Variants in MCU observed in about 807,000 individuals in gnomAD.
MCU encodes mitochondrial calcium uniporter, also known as calcium uniporter protein, mitochondrial.
In MCU, 12 loss-of-function variants were observed where a neutral mutation model predicts 45.2. The observed-to-expected ratio is 0.27, with a 90% confidence interval of 0.17 to 0.43. MCU has a LOEUF of 0.43. Among genes scored for constraint, MCU ranks in the 20% least tolerant of loss-of-function variants. The pLI is 1.00. For synonymous variants in MCU, 160 were observed against 165.1 expected, an observed-to-expected ratio of 0.97 and a Z score of 0.24; for missense variants, 324 against 436.7, an observed-to-expected ratio of 0.74 and a Z score of 2.30.
At chr10:72,712,103 A>T (rs1217714259) in intron 1 of MCU, among the ~76,000 whole-genome samples, 1 of 152,018 alleles carries the variant, frequency 6.6e-6, no homozygotes, top group Non-Finnish European at 1.5e-5. Flanking sequence ...ATTTTTAACT[A>T]CTTTGGCGTT....
intron 1 of MCU, among the ~76,000 whole-genome samples, chr10:72,708,779 G>C (rs58674529): frequency 1.3e-5 from 2 of 152,028 alleles, no homozygotes; most frequent in Non-Finnish European, 2.9e-5. Context: ...AAACAGTTTC[G>C]ATTGTGCTGA....
chr10:72,716,380 A>G (rs1842955243), intron 1 of MCU, among the ~76,000 whole-genome samples: 1 of 152,232 alleles, frequency 6.6e-6, no homozygotes, highest in East Asian at 1.9e-4. Flanking sequence ...AATATTTGCA[A>G]TATGCATAGT....
At chr10:72,715,973 T>C in intron 1 of MCU, 2 of 776,728 alleles carry the variant, frequency 2.6e-6, no homozygotes, top group African/African-American at 1.9e-5. Context: ...TGTGAACTCA[T>C]GTGGTTTTAT....
rs996813609 is a variant in MCU at position 72,760,717 on chromosome 10, T to C, written c.150+68416T>C. The C allele has an allele frequency of 7.7e-5, 10 of 129,688 alleles. 1 individual carries two copies. The highest frequency in any genetic ancestry group is 1.0e-4 in the Non-Finnish European group (6 of 59,624). 8.0% of individuals were successfully genotyped at this position (129,688 alleles called of 1,614,324 possible). On this transcript the variant is annotated intron_variant, in intron 1 of 7. Transcript: ENST00000373053. ...GTTACTTAAATTTTTTTTTTCTTTC[T>C]TTTTTTTTTTTTTTTTGCAGAGACA...
intron 1 of MCU, among the ~76,000 whole-genome samples, chr10:72,775,028 C>G (rs1843869366): frequency 6.6e-6 from 1 of 152,058 alleles, no homozygotes; most frequent in African/African-American, 2.4e-5. Flanking sequence ...CTGAGTTAAA[C>G]TACACACTAG....
chr10:72,877,953 A>G (rs1441151815), intron 6 of MCU, among the ~76,000 whole-genome samples: 1 of 152,030 alleles, frequency 6.6e-6, no homozygotes, highest in Admixed American at 6.6e-5. Flanking sequence ...CTCATCTTTC[A>G]TTCATCTCAA....
intron 1 of MCU, among the ~76,000 whole-genome samples, chr10:72,785,480 T>C (rs1844058441): frequency 6.6e-6 from 1 of 152,230 alleles, no homozygotes; most frequent in African/African-American, 2.4e-5. Context: ...TCACAGTTAG[T>C]GGCAGATTAA....
At chr10:72,699,059 C>A (rs544722559) in intron 1 of MCU, among the ~76,000 whole-genome samples, 57 of 152,282 alleles carry the variant, frequency 3.7e-4, no homozygotes, top group Middle Eastern at 3.4e-3. Context: ...CTGCCTTGGC[C>A]TCCCAAAGTA....
chr10:72,743,030 G>C (rs1843357721), intron 1 of MCU, among the ~76,000 whole-genome samples: 1 of 148,516 alleles, frequency 6.7e-6, no homozygotes, highest in Non-Finnish European at 1.5e-5. Context: ...GAGAGAGGGT[G>C]AGGGGGAGAG....
chr10:72,880,060 G>A (rs1845677339), intron 6 of MCU, among the ~76,000 whole-genome samples: 1 of 152,038 alleles, frequency 6.6e-6, no homozygotes, highest in Non-Finnish European at 1.5e-5. Context: ...AAATAAATAA[G>A]TAAAATTAAA....
At chr10:72,802,247 T>C (rs1402367184) in intron 1 of MCU, among the ~76,000 whole-genome samples, 1 of 152,192 alleles carries the variant, frequency 6.6e-6, no homozygotes. Flanking sequence ...CGATCATCTA[T>C]CATTGCTTCA....
intron 1 of MCU, chr10:72,693,207 A>T: frequency 3.4e-6 from 3 of 874,278 alleles, no homozygotes; most frequent in South Asian, 1.5e-5. Flanking sequence ...TGTGAGAGAG[A>T]GAGAGACAGA....
At chr10:72,756,331 T>G (rs1041620125) in intron 1 of MCU, 1 of 152,204 alleles carries the variant, frequency 6.6e-6, no homozygotes, top group Non-Finnish European at 1.5e-5. Flanking sequence ...TCTTTCTTTT[T>G]TGGAAACAAT....
intron 1 of MCU, among the ~76,000 whole-genome samples, chr10:72,781,748 C>G (rs1388916838): frequency 2.0e-5 from 3 of 151,562 alleles, no homozygotes; most frequent in Non-Finnish European, 4.4e-5. Context: ...TAGGAACCTA[C>G]TTTTATGTTA....
At chr10:72,696,185 A>ATTTTTT (rs1554818423) in intron 1 of MCU, among the ~76,000 whole-genome samples, 1 of 109,988 alleles carries the variant, frequency 9.1e-6, no homozygotes. Flanking sequence ...AAAAAAAAAA[A>ATTTTTT]TTTTTTTTTT....
In MCU at chr10:72,777,319, G is replaced by A. The variant is rs950358432; in HGVS notation, c.151-57040G>A. Among the ~76,000 whole-genome samples the A allele has an allele frequency of 1.1e-4, 17 of 152,256 alleles. No individual in the cohort carries two copies. In the East Asian group the frequency reaches 1.4e-3, roughly 12 times the overall value. On this transcript the variant is annotated intron_variant, in intron 1 of 7. Coordinates refer to ENST00000373053, the MANE Select transcript of MCU (RefSeq NM_138357.3). ...AATTTACTCTAAAGCTACAGTAAGCGAAATAGCGTGATACTGGCTTAAAAG... is the reference window on the plus strand; with the variant it reads ...AATTTACTCTAAAGCTACAGTAAGCAAAATAGCGTGATACTGGCTTAAAAG...
chr10:72,862,918 GAA>G (rs1225961949), intron 4 of MCU, among the ~76,000 whole-genome samples: 1 of 133,320 alleles, frequency 7.5e-6, no homozygotes. Flanking sequence ...TAAAAAAAAA[GAA>G]AAAAAAAAAA....
intron 1 of MCU, among the ~76,000 whole-genome samples, chr10:72,790,645 T>C (rs1844144642): frequency 6.6e-6 from 1 of 152,230 alleles, no homozygotes; most frequent in South Asian, 2.1e-4. Context: ...ATTGCTTGAT[T>C]AAATAACTGG....
At chr10:72,849,862 A>C (rs1019250227) in intron 2 of MCU, among the ~76,000 whole-genome samples, 28 of 152,074 alleles carry the variant, frequency 1.8e-4, no homozygotes, top group Admixed American at 2.0e-4. Flanking sequence ...TCAAATGATG[A>C]GATCCAAATT....
Sources: gnomAD v4.1 joint callset for allele counts (sites outside exome capture counted in the v4.1 genomes callset) on GRCh38, gnomAD v4.1.1 for gene constraint, MANE v1.5 for transcripts, NCBI Gene and HGNC (gene_info 2026-07-23, HGNC 2026-07-21) for gene names.